Variants in NTM observed in about 807,000 individuals in gnomAD.
The protein encoded by NTM is neurotrimin.
Under a neutral mutation model 42.1 loss-of-function variants are expected in NTM, and 13 were observed. The ratio of observed to expected loss-of-function variants is 0.31; its 90% CI spans 0.20 to 0.49. The LOEUF (loss-of-function observed/expected upper bound fraction) is 0.49, where lower values mean the gene tolerates loss of function less well. Among genes scored for constraint, NTM ranks in the 20% least tolerant of loss-of-function variants. The pLI is 0.99. For synonymous variants in NTM, 187 were observed against 179.2 expected (o/e 1.04, Z -0.35); for missense variants, 373 against 452.8 (o/e 0.82, Z 1.60).
At chr11:132,154,792 T>C (rs1455769544) in intron 3 of NTM, among the ~76,000 whole-genome samples, 4 of 152,364 alleles carry the variant, frequency 2.6e-5, no homozygotes, top group African/African-American at 7.2e-5. Flanking sequence ...CTGTTGAATG[T>C]CGCCTGCAGT....
At chr11:131,740,974 G>A (rs1231772261) in intron 1 of NTM, among the ~76,000 whole-genome samples, 1 of 152,020 alleles carries the variant, frequency 6.6e-6, no homozygotes, top group Non-Finnish European at 1.5e-5. Flanking sequence ...AGACTAGCCC[G>A]ACCAACATGG....
At chr11:132,283,003 T>A (rs1444858208) in intron 4 of NTM, among the ~76,000 whole-genome samples, 2 of 94,680 alleles carry the variant, frequency 2.1e-5, no homozygotes, top group Non-Finnish European at 4.0e-5. Flanking sequence ...TTTTTTTTTA[T>A]TTGAGACAGA....
intron 4 of NTM, among the ~76,000 whole-genome samples, chr11:132,303,600 C>CT (rs1038337630): frequency 6.6e-6 from 1 of 151,522 alleles, no homozygotes; most frequent in East Asian, 1.9e-4. Context: ...CTCAACATAC[C>CT]TTTTTTGGGA....
chr11:132,219,298 C>A (rs760699213), intron 4 of NTM, among the ~76,000 whole-genome samples: 22 of 152,090 alleles, frequency 1.4e-4, no homozygotes, highest in Non-Finnish European at 2.6e-4. Flanking sequence ...AACTATGGCA[C>A]CTCTTACAGG....
At chr11:132,129,748 A>G (rs1426847245) in intron 2 of NTM, among the ~76,000 whole-genome samples, 1 of 152,204 alleles carries the variant, frequency 6.6e-6, no homozygotes, top group Non-Finnish European at 1.5e-5. Flanking sequence ...TGGGGCTCCT[A>G]GGACTGTATT....
At chr11:131,404,494 A>G (rs1284855689) in intron 1 of NTM, among the ~76,000 whole-genome samples, 1 of 152,002 alleles carries the variant, frequency 6.6e-6, no homozygotes, top group Non-Finnish European at 1.5e-5. Flanking sequence ...TCCTCTGTCG[A>G]TCCACTTCTC....
intron 4 of NTM, among the ~76,000 whole-genome samples, chr11:132,283,991 T>C (rs2094118416): frequency 6.6e-6 from 1 of 152,084 alleles, no homozygotes; most frequent in Non-Finnish European, 1.5e-5. Context: ...CCCTCTCCCT[T>C]CCTTCCTCCC....
At chr11:132,076,257 A>T (rs138622902) in intron 2 of NTM, among the ~76,000 whole-genome samples, 3 of 152,200 alleles carry the variant, frequency 2.0e-5, no homozygotes. Flanking sequence ...TGTGGACTAC[A>T]CTATTACTGC....
At chr11:131,402,821 A>T (rs749656789) in intron 1 of NTM, among the ~76,000 whole-genome samples, 4 of 152,202 alleles carry the variant, frequency 2.6e-5, no homozygotes, top group Non-Finnish European at 5.9e-5. Context: ...TACCCTAGAG[A>T]TGCTCCATAG....
intron 1 of NTM, among the ~76,000 whole-genome samples, chr11:131,903,676 T>C (rs1409483235): frequency 6.6e-6 from 1 of 152,206 alleles, no homozygotes; most frequent in Admixed American, 6.5e-5. Context: ...AGAAGCATTA[T>C]AATCCTAGAC....
chr11:131,971,593 C>G (rs992402311), intron 2 of NTM, among the ~76,000 whole-genome samples: 2 of 152,068 alleles, frequency 1.3e-5, no homozygotes, highest in Non-Finnish European at 2.9e-5. Flanking sequence ...AGCATATATG[C>G]TGGAACCAAC....
intron 7 of NTM, among the ~76,000 whole-genome samples, chr11:132,326,926 A>T (rs2095695318): frequency 6.6e-6 from 1 of 152,226 alleles, no homozygotes; most frequent in Non-Finnish European, 1.5e-5. Flanking sequence ...ATTTCCACTG[A>T]CAGAGTACAC....
intron 2 of NTM, among the ~76,000 whole-genome samples, chr11:131,963,261 C>T (rs532372281): frequency 4.6e-5 from 7 of 152,238 alleles, no homozygotes; most frequent in South Asian, 2.1e-4. Flanking sequence ...CCCAGAGCAG[C>T]GCAAATGGAG....
intron 1 of NTM, among the ~76,000 whole-genome samples, chr11:131,621,428 C>T (rs373925089): frequency 5.3e-5 from 8 of 152,062 alleles, no homozygotes; most frequent in South Asian, 4.2e-4. Flanking sequence ...TTCTAAATGA[C>T]GGTCATGGCC....
chr11:131,978,240 G>A (rs977995845), intron 2 of NTM, among the ~76,000 whole-genome samples: 2 of 152,104 alleles, frequency 1.3e-5, no homozygotes, highest in Non-Finnish European at 2.9e-5. Context: ...TAGAAAGCCT[G>A]GAATAAAACC....
At chr11:132,198,924 T>C (rs1048270566) in intron 3 of NTM, among the ~76,000 whole-genome samples, 7 of 152,172 alleles carry the variant, frequency 4.6e-5, no homozygotes, top group African/African-American at 1.4e-4. Flanking sequence ...AAGGCCCTAA[T>C]GGAAGACAAG....
intron 4 of NTM, among the ~76,000 whole-genome samples, chr11:132,250,808 A>T (rs184384351): frequency 2.1e-4 from 32 of 152,090 alleles, no homozygotes; most frequent in Middle Eastern, 3.4e-3. Context: ...ATATAAAGAT[A>T]TTTGTTTTAC....
chr11:132,308,986 CAA>C (rs2140197685), intron 5 of NTM, among the ~76,000 whole-genome samples: 1 of 152,292 alleles, frequency 6.6e-6, no homozygotes, highest in South Asian at 2.1e-4. Flanking sequence ...CTTGCTAAAG[CAA>C]AGAGGGAAAC....
chr11:131,385,778 A>T (rs1011968765), intron 1 of NTM, among the ~76,000 whole-genome samples: 5 of 152,184 alleles, frequency 3.3e-5, no homozygotes, highest in African/African-American at 1.2e-4. Flanking sequence ...GATTGCCTTG[A>T]ACCCAAAAAT....
Sources: allele counts gnomAD v4.1 joint callset (sites outside exome capture counted in the v4.1 genomes callset), GRCh38; gene constraint gnomAD v4.1.1; transcripts MANE v1.5; gene names NCBI Gene and HGNC (gene_info 2026-07-23, HGNC 2026-07-21).